The following SLC26A5 variants were observed in gnomAD, a reference collection of about 807,000 sequenced individuals.
The protein encoded by SLC26A5 is solute carrier family 26 member 5.
A neutral mutation model predicts 81.0 loss-of-function variants in SLC26A5; 51 were observed. The ratio of observed to expected loss-of-function variants is 0.63; its 90% CI spans 0.50 to 0.80. The LOEUF (loss-of-function observed/expected upper bound fraction) is 0.80. SLC26A5 is among the 30% of genes least tolerant of loss of function. SLC26A5 has a pLI of 0.00. For synonymous variants in SLC26A5, 325 were observed against 332.8 expected, an observed-to-expected ratio of 0.98 and a Z score of 0.25; for missense variants, 771 against 905.8, an observed-to-expected ratio of 0.85 and a Z score of 1.91.
At chr7:103,423,306 G>C (rs112376946) in intron 2 of SLC26A5, among the ~76,000 whole-genome samples, 13 of 152,018 alleles carry the variant, frequency 8.6e-5, no homozygotes, top group African/African-American at 3.1e-4. Context: ...TCAGGGTTGT[G>C]TATGATCTAC....
At chr7:103,438,422 G>C (rs1826626823) in intron 2 of SLC26A5, among the ~76,000 whole-genome samples, 1 of 147,134 alleles carries the variant, frequency 6.8e-6, no homozygotes, top group South Asian at 2.1e-4. Context: ...TCTCGCTCTC[G>C]ACTCACTGCA....
At chr7:103,364,706 C>A (rs1483008579) in intron 19 of SLC26A5, among the ~76,000 whole-genome samples, 1 of 151,994 alleles carries the variant, frequency 6.6e-6, no homozygotes, top group African/African-American at 2.4e-5. Context: ...CCACGCCCGG[C>A]CTGAGACCTG....
intron 2 of SLC26A5, among the ~76,000 whole-genome samples, chr7:103,423,774 T>C (rs1825529668): frequency 6.6e-6 from 1 of 152,220 alleles, no homozygotes; most frequent in Admixed American, 6.5e-5. Context: ...ATTTCTATTG[T>C]TTATAAATTT....
chr7:103,404,444 G>A (rs781595744), intron 8 of SLC26A5, among the ~76,000 whole-genome samples: 1 of 152,138 alleles, frequency 6.6e-6, no homozygotes, highest in African/African-American at 2.4e-5. Context: ...TGCTTATGAA[G>A]CTTAGTTTGG....
Position 103,367,319 on chromosome 7 carries a change from A to C in SLC26A5, c.2041+9489T>G. 1 of 1,173,100 alleles carries C rather than the reference A, an allele frequency of 8.5e-7. No homozygotes were observed. The highest frequency in any genetic ancestry group is 1.3e-5 in the South Asian group (1 of 74,780). 72.7% of individuals were successfully genotyped at this position (1,173,100 alleles called of 1,614,324 possible). Reference sequence around the variant, plus strand: ...TGGGATGTCACTTGTGCCTGAGGACATGATTTGAGCTGAGATTTTTGGTAC... The same window carrying C: ...TGGGATGTCACTTGTGCCTGAGGACCTGATTTGAGCTGAGATTTTTGGTAC... On this transcript the variant is annotated intron_variant, in intron 19 of 19. Coordinates refer to the SLC26A5 transcript ENST00000339444. This position sits in a 1 kb window ranked among gnomAD's most constrained non-coding sequence, Gnocchi z 6.1.
chr7:103,401,082 T>C (rs1823550629), intron 8 of SLC26A5, among the ~76,000 whole-genome samples: 1 of 152,214 alleles, frequency 6.6e-6, no homozygotes, highest in Non-Finnish European at 1.5e-5. Flanking sequence ...AAGTAGTTTT[T>C]TCTAATTCTG....
In SLC26A5 at chr7:103,391,672, A is replaced by G. The variant is rs1822666730; in HGVS notation, c.1183T>C (p.Cys395Arg). The change falls in exon 11 of 20, where the codon TGC becomes CGC. Residue 395 changes from cysteine (C) to arginine (R), a missense_variant. By Grantham distance (180) the Cys-to-Arg change is radical. Transcript: ENST00000306312. ...TGAACAAGGCTTCGAGACAAGGAGC[A>G]TGAAATTGAAAAGGTCTGGAAGAGT... ...GSLFQTFSIS[C>R]SLSRSLVQEG... 1 of 1,614,110 alleles carries G rather than the reference A, an allele frequency of 6.2e-7. No individual in the cohort carries two copies. The highest frequency in any genetic ancestry group is 1.7e-5 in the Admixed American group (1 of 60,006).
At chr7:103,435,056 T>C (rs181757382) in intron 2 of SLC26A5, 1 of 152,398 alleles carries the variant, frequency 6.6e-6, no homozygotes, top group East Asian at 1.9e-4. Flanking sequence ...CTGGTTGTGA[T>C]CAATTAGTTG....
intron 19 of SLC26A5, chr7:103,362,506 C>A: frequency 7.1e-7 from 1 of 1,415,364 alleles, no homozygotes; most frequent in South Asian, 1.5e-5. Context: ...TTGTTTGCGA[C>A]ATTAGACATG....
chr7:103,418,998 G>A (rs1051382670), intron 4 of SLC26A5, among the ~76,000 whole-genome samples: 5 of 152,048 alleles, frequency 3.3e-5, no homozygotes, highest in Non-Finnish European at 7.4e-5. Context: ...TCATGGGGGC[G>A]GGTCTTTCCC....
At chr7:103,430,272 T>C (rs972011784) in intron 2 of SLC26A5, among the ~76,000 whole-genome samples, 1 of 151,820 alleles carries the variant, frequency 6.6e-6, no homozygotes, top group African/African-American at 2.4e-5. Flanking sequence ...AGAGATGGAG[T>C]TTTACTATGC....
Position 103,368,204 on chromosome 7 carries a change from A to G in SLC26A5, c.2041+8604T>C, listed in dbSNP as rs1187392434. The G allele has an allele frequency of 1.9e-5, 14 of 734,714 alleles. No homozygotes were observed. The Admixed American group carries it at 4.6e-4, about 24-fold the overall frequency. 45.5% of individuals were successfully genotyped at this position (734,714 alleles called of 1,614,324 possible). ...GTAATATAATAAAAGGTGATTTCTA[A>G]TGTTATTAGGCAGAAAAGCTTGTTA... On this transcript the variant is annotated intron_variant, in intron 19 of 19. Coordinates refer to the SLC26A5 transcript ENST00000339444.
intron 19 of SLC26A5, chr7:103,362,823 T>C: frequency 8.2e-7 from 1 of 1,225,336 alleles, no homozygotes; most frequent in Non-Finnish European, 1.2e-6. Flanking sequence ...TGAGGCGGAG[T>C]TTCACTCTTG....
At chr7:103,374,710 T>A in intron 19 of SLC26A5, 118 bp from the exon 20 acceptor site, 2 of 1,065,570 alleles carry the variant, frequency 1.9e-6, no homozygotes, top group South Asian at 3.1e-5. Flanking sequence ...TGTTTCTTTT[T>A]TTTTTTTGAG....
chr7:103,373,904 T>C (rs1276938304), downstream of SLC26A5, among the ~76,000 whole-genome samples: 1 of 152,224 alleles, frequency 6.6e-6, no homozygotes, highest in Non-Finnish European at 1.5e-5. Flanking sequence ...ATGTCCTCAA[T>C]GCATTTATAC....
chr7:103,388,261 A>T (rs1822366081), intron 14 of SLC26A5, among the ~76,000 whole-genome samples: 1 of 132,518 alleles, frequency 7.5e-6, no homozygotes, highest in South Asian at 2.5e-4. Flanking sequence ...TAGTGGTGTG[A>T]TCTTGGCTTA....
chr7:103,409,202 T>A (rs1476561132), intron 7 of SLC26A5, among the ~76,000 whole-genome samples: 1 of 152,228 alleles, frequency 6.6e-6, no homozygotes, highest in African/African-American at 2.4e-5. Context: ...TGGTTTACAA[T>A]CTTCCCACTG....
chr7:103,417,003 A>G (rs1175537928), intron 4 of SLC26A5, among the ~76,000 whole-genome samples: 1 of 152,058 alleles, frequency 6.6e-6, no homozygotes, highest in Non-Finnish European at 1.5e-5. Context: ...TACCTTTCCA[A>G]TGCAAATTTG....
intron 8 of SLC26A5, among the ~76,000 whole-genome samples, chr7:103,399,165 T>C (rs1586279741): frequency 6.6e-6 from 1 of 152,290 alleles, no homozygotes; most frequent in Non-Finnish European, 1.5e-5. Context: ...CTAAACTTTC[T>C]AGAATTCTGG....
Sources: gnomAD v4.1 joint callset for allele counts (sites outside exome capture counted in the v4.1 genomes callset) on GRCh38, gnomAD v4.1.1 for gene constraint, Gnocchi (gnomAD v3.1) non-coding constraint, MANE v1.5 for transcripts, NCBI Gene and HGNC (gene_info 2026-07-23, HGNC 2026-07-21) for gene names.